The following DPH6 variants were observed in gnomAD, a reference collection of about 807,000 sequenced individuals.
DPH6 encodes the protein diphthamine biosynthesis 6, also known as diphthine--ammonia ligase.
DPH6 carries 33 observed loss-of-function variants against 38.2 expected under a neutral mutation model. That is an observed-to-expected ratio of 0.86 (90% CI 0.65 to 1.15). DPH6 has a LOEUF of 1.15. Among genes scored for constraint, DPH6 ranks in the 50% most tolerant of loss-of-function variants. The pLI is 0.00. For synonymous variants in DPH6, 108 were observed against 103.0 expected (o/e 1.05, Z -0.30); for missense variants, 325 against 320.0 (o/e 1.02, Z -0.12).
intron 3 of DPH6, among the ~76,000 whole-genome samples, chr15:35,496,567 A>AAAAAAAAAAAAAGATATATATATATATAT: frequency 3.2e-5 from 1 of 31,016 alleles, no homozygotes; most frequent in African/African-American, 1.4e-4. Context: ...AAAAAAAAAA[A>AAAAAAAAAAAAAGATATATATATATATAT]ATATATATAT....
rs115657313 is a variant in DPH6 at position 35,429,104 on chromosome 15, C to T, written c.506-18208G>A. Among the ~76,000 whole-genome samples, 525 of 152,176 alleles carry T rather than the reference C, an allele frequency of 3.4e-3. 6 individuals carry two copies. The highest frequency in any genetic ancestry group is 0.012 in the African/African-American group (486 of 41,530). On this transcript the variant is annotated intron_variant, in intron 5 of 8. Transcript: ENST00000256538. The stretch of plus-strand genomic sequence containing the variant: ...TGCCTTTTCCTTAAATTACTACAGC[C>T]ACAACCTTCTTAAATAAAGGTACCT...
chr15:35,302,516 G>GAAGTATAGGAT (rs2052061231), intron 3 of DPH6, among the ~76,000 whole-genome samples: 1 of 152,136 alleles, frequency 6.6e-6, no homozygotes, highest in Non-Finnish European at 1.5e-5. Context: ...TATAGGCAGT[G>GAAGTATAGGAT]TTTATGAAAA....
chr15:35,296,700 A>G (rs562908501), intron 3 of DPH6, among the ~76,000 whole-genome samples: 8 of 152,224 alleles, frequency 5.3e-5, no homozygotes, highest in African/African-American at 1.9e-4. Context: ...TCAAGCAGGT[A>G]TTTAATGCTG....
intron 6 of DPH6, 75 bp downstream of exon 6, chr15:35,410,760 T>A (rs897186099): frequency 4.0e-6 from 5 of 1,240,772 alleles, no homozygotes; most frequent in East Asian, 2.7e-5. Context: ...GTAAATTTTT[T>A]AATCATTGTA....
chr15:35,527,812 T>C (rs1171373501), intron 3 of DPH6, among the ~76,000 whole-genome samples: 1 of 152,196 alleles, frequency 6.6e-6, no homozygotes, highest in African/African-American at 2.4e-5. Context: ...TGAAGTCATA[T>C]TGCAGTGCAC....
chr15:35,210,937 G>A, the DPH6 span, among the ~76,000 whole-genome samples: 3 of 123,936 alleles, frequency 2.4e-5, no homozygotes, highest in Non-Finnish European at 3.3e-5. Context: ...TAAGGACATA[G>A]ATAGATCACT....
the DPH6 span, among the ~76,000 whole-genome samples, chr15:35,185,881 C>CGCCA: frequency 6.6e-6 from 1 of 151,412 alleles, no homozygotes; most frequent in African/African-American, 2.4e-5. Flanking sequence ...TACGGGCGCC[C>CGCCA]GCCACCACGC....
intron 3 of DPH6, among the ~76,000 whole-genome samples, chr15:35,273,527 T>A (rs1474902132): frequency 6.6e-6 from 1 of 152,132 alleles, no homozygotes; most frequent in Non-Finnish European, 1.5e-5. Flanking sequence ...CTCAGTGCAG[T>A]TGATAAGAAG....
At chr15:35,472,035 T>G (rs138728947) in intron 3 of DPH6, among the ~76,000 whole-genome samples, 105 of 152,284 alleles carry the variant, frequency 6.9e-4, no homozygotes, top group African/African-American at 2.4e-3. Flanking sequence ...GCTACAATCG[T>G]GCCCGTGAAT....
intron 3 of DPH6, among the ~76,000 whole-genome samples, chr15:35,499,764 G>T (rs189886698): frequency 1.3e-5 from 2 of 152,276 alleles, no homozygotes; most frequent in East Asian, 3.9e-4. Flanking sequence ...TTACTTTATC[G>T]CTTTCTGGCC....
intron 3 of DPH6, among the ~76,000 whole-genome samples, chr15:35,362,134 GC>G (rs1185377694): frequency 3.3e-5 from 5 of 152,128 alleles, no homozygotes; most frequent in African/African-American, 1.2e-4. Context: ...TCCTCTTAAA[GC>G]TTTTCTGGGG....
chr15:35,217,310 G>C (rs545145323), downstream of DPH6: 1 of 152,208 alleles, frequency 6.6e-6, no homozygotes, highest in Non-Finnish European at 1.5e-5. Flanking sequence ...TCCTATGTCA[G>C]CAGTGGATAT....
intron 3 of DPH6, among the ~76,000 whole-genome samples, chr15:35,338,385 A>G: frequency 6.6e-6 from 1 of 152,212 alleles, no homozygotes. Flanking sequence ...ATGAACAGAC[A>G]CTTCTCAAAA....
At chr15:35,492,919 T>C (rs951153519) in intron 3 of DPH6, among the ~76,000 whole-genome samples, 1 of 152,134 alleles carries the variant, frequency 6.6e-6, no homozygotes, top group African/African-American at 2.4e-5. Flanking sequence ...AAAAATAAGT[T>C]CCAGTATTTT....
rs937208697 is a variant in DPH6 at position 35,298,742 on chromosome 15, G to C, written n.200+74779C>G. The C allele has an allele frequency of 7.0e-6, 11 of 1,560,996 alleles. No homozygotes were observed. The South Asian group carries it at 1.1e-4, about 16-fold the overall frequency. On this transcript the variant is annotated intron_variant and non_coding_transcript_variant, in intron 3 of 3. Coordinates refer to the DPH6 transcript ENST00000560386. ...CTTCTGTATGATCTTGTGCGCCACC[G>C]TGCCCCCCAAGTTAGCGAGGAAGGA...
At chr15:35,408,046 A>T (rs1429208834) in intron 6 of DPH6, among the ~76,000 whole-genome samples, 1 of 152,052 alleles carries the variant, frequency 6.6e-6, no homozygotes, top group Non-Finnish European at 1.5e-5. Context: ...GGGTTGAGGT[A>T]GTATTCCAGA....
At chr15:35,521,129 G>A in intron 3 of DPH6, 1 of 985,196 alleles carries the variant, frequency 1.0e-6, no homozygotes, top group Non-Finnish European at 1.2e-6. Context: ...TGCTAAAGTG[G>A]CTAGTACTGA....
intron 3 of DPH6, among the ~76,000 whole-genome samples, chr15:35,236,009 T>C (rs1032210632): frequency 6.6e-6 from 1 of 152,212 alleles, no homozygotes; most frequent in African/African-American, 2.4e-5. Context: ...TGTGATAAGA[T>C]GGAATTGAAG....
At chr15:35,457,230 C>A (rs1164207908) in intron 3 of DPH6, among the ~76,000 whole-genome samples, 1 of 152,090 alleles carries the variant, frequency 6.6e-6, no homozygotes, top group Non-Finnish European at 1.5e-5. Context: ...GCTGGGATGA[C>A]AAGCTTGAGC....
Sources: allele counts gnomAD v4.1 joint callset (sites outside exome capture counted in the v4.1 genomes callset), GRCh38; gene constraint gnomAD v4.1.1; transcripts MANE v1.5; gene names NCBI Gene and HGNC (gene_info 2026-07-23, HGNC 2026-07-21).